Variants in CIAO1 observed in about 807,000 individuals in gnomAD.
The protein encoded by CIAO1 is cytosolic iron-sulfur assembly component 1, also known as probable cytosolic iron-sulfur protein assembly protein CIAO1.
CIAO1 carries 32 observed loss-of-function variants against 43.1 expected under a neutral mutation model. The observed-to-expected ratio is 0.74, with a 90% CI of 0.56 to 1.00. The LOEUF (loss-of-function observed/expected upper bound fraction) is 1.00, where lower values mean the gene tolerates loss of function less well. CIAO1 is among the 50% of genes least tolerant of loss of function. CIAO1 has a pLI of 0.00. For synonymous variants in CIAO1, 183 were observed against 171.4 expected (o/e 1.07, Z -0.53); for missense variants, 415 against 437.4 (o/e 0.95, Z 0.46).
chr2:96,267,547 C>A, intron 2 of CIAO1, 78 bp downstream of exon 2: 3 of 1,607,890 alleles, frequency 1.9e-6, no homozygotes, highest in Non-Finnish European at 1.7e-6. Context: ...CCAACCTGCG[C>A]CAGTTGGGCT....
chr2:96,267,489 C>G lies in CIAO1; in HGVS notation c.288+20C>G. The G allele has an allele frequency of 6.2e-7, 1 of 1,613,284 alleles. No individual in the cohort carries two copies. The highest frequency in any genetic ancestry group is 8.5e-7 in the Non-Finnish European group (1 of 1,179,362). ...TTTGAGGTACCCAGGCTGGTTGGGACCAGAATTATTGCCTGTTTCCTCCCC... is the reference window on the plus strand; with the variant it reads ...TTTGAGGTACCCAGGCTGGTTGGGAGCAGAATTATTGCCTGTTTCCTCCCC... On this transcript the variant is annotated intron_variant, in intron 2 of 6. Transcript: ENST00000488633.
intron 4 of CIAO1, 56 bp downstream of exon 4, chr2:96,267,980 C>G: frequency 7.2e-7 from 1 of 1,385,640 alleles, no homozygotes; most frequent in Non-Finnish European, 1.0e-6. Context: ...GGCTTGTGCC[C>G]AGCCTTCCTC....
At chr2:96,266,613 C>T in intron 1 of CIAO1, 124 bp downstream of exon 1, 2 of 1,080,580 alleles carry the variant, frequency 1.9e-6, no homozygotes, top group Non-Finnish European at 2.4e-6. Context: ...ATGTTAGCCA[C>T]GCCGAGAAGG....
chr2:96,271,062 C>T, intron 6 of CIAO1, 49 bp from the exon 7 acceptor site: 3 of 1,609,588 alleles, frequency 1.9e-6, no homozygotes, highest in South Asian at 1.1e-5. Flanking sequence ...GAACAGGTCT[C>T]TCTGGCCTAA....
Position 96,268,527 on chromosome 2 carries a change from G to A in CIAO1, c.560G>A (p.Cys187Tyr), listed in dbSNP as rs368621207. ...YREEEDDWVCCATLEGHESTV... is the reference protein window; with the variant it reads ...YREEEDDWVCYATLEGHESTV... ...GAGGAAGAGGATGACTGGGTATGCTGTGCCACCCTTGAGGGCCATGAATCC... is the reference window on the plus strand; with the variant it reads ...GAGGAAGAGGATGACTGGGTATGCTATGCCACCCTTGAGGGCCATGAATCC... The change falls in exon 5 of 7, where the codon TGT (cysteine) becomes TAT (tyrosine). Residue 187 changes from cysteine (C) to tyrosine (Y), a missense_variant. Coordinates refer to ENST00000488633, the MANE Select transcript of CIAO1 (RefSeq NM_004804.3). 72 of 1,614,218 alleles carry A rather than the reference G, an allele frequency of 4.5e-5. No homozygotes were observed. Among genetic ancestry groups the A allele is most frequent in the Non-Finnish European group, 6.1e-5 (72 of 1,180,040 alleles).
chr2:96,271,687 G>A lies in CIAO1; in HGVS notation c.*336G>A, dbSNP rs1684552945. The A allele has an allele frequency of 1.6e-5, 3 of 183,818 alleles. No homozygotes were observed. The highest frequency in any genetic ancestry group is 7.1e-5 in the African/African-American group (3 of 42,482). 11.4% of individuals were successfully genotyped at this position (183,818 alleles called of 1,614,324 possible). A position where few individuals can be genotyped will look rare whatever the true frequency, so the allele number is the denominator to read the frequency against. On this transcript the variant is annotated 3_prime_UTR_variant, in exon 7 of 7. Transcript: ENST00000488633. ...ATGTGTCTCAGGCTTTTCTGAAGTT[G>A]CAAGACTTAAAGAAATAATCCATCT... is the stretch of plus-strand genomic sequence containing the variant.
At chr2:96,268,728 A>G (rs1684485608) in intron 5 of CIAO1, 70 bp downstream of exon 5, 18 of 1,504,404 alleles carry the variant, frequency 1.2e-5, no homozygotes, top group Non-Finnish European at 1.6e-5. Context: ...AGACACGTAC[A>G]TGAGTCAGAG....
intron 6 of CIAO1, among the ~76,000 whole-genome samples, chr2:96,270,459 G>T (rs532622538): frequency 1.3e-5 from 2 of 151,112 alleles, no homozygotes; most frequent in Admixed American, 1.3e-4. Context: ...CCGAGATTGC[G>T]CCACTGCACT....
At chr2:96,268,739 C>A (rs952599630) in intron 5 of CIAO1, 81 bp downstream of exon 5, 1 of 1,387,338 alleles carries the variant, frequency 7.2e-7, no homozygotes, top group Non-Finnish European at 1.0e-6. Context: ...TGAGTCAGAG[C>A]AAATGGGGGT....
intron 6 of CIAO1, among the ~76,000 whole-genome samples, chr2:96,269,933 C>G (rs1235998422): frequency 6.6e-6 from 1 of 152,104 alleles, no homozygotes; most frequent in Non-Finnish European, 1.5e-5. Flanking sequence ...GCATGAGCCA[C>G]CGCACCTGGC....
rs1684557740 is a variant in CIAO1 at position 96,271,856 on chromosome 2, T to C, written c.*505T>C. 6.4e-6 allele frequency: 1 copy of C among 155,712 alleles called. No homozygotes were observed. Among genetic ancestry groups the C allele is most frequent in the South Asian group, 2.0e-4 (1 of 5,068 alleles). The allele number at this position is 155,712 out of a possible 1,614,324, so 9.6% of individuals were successfully genotyped here. ...ATAATGAAGGAAATTTTTTTCTGAATGTAGGTTTGAGTGAGGGGCACCTCT... is the reference window on the plus strand; with the variant it reads ...ATAATGAAGGAAATTTTTTTCTGAACGTAGGTTTGAGTGAGGGGCACCTCT... On this transcript the variant is annotated 3_prime_UTR_variant, in exon 7 of 7. Coordinates refer to ENST00000488633, the MANE Select transcript of CIAO1 (RefSeq NM_004804.3).
In CIAO1 at chr2:96,269,100, C is replaced by T. The variant is rs573645603; in HGVS notation, c.692-168C>T. The stretch of plus-strand genomic sequence containing the variant: ...TTTCCTCGGAATTCTGCTTGAGAAA[C>T]GCCAGTCTGGCTATAGTGTGTAAGG... On this transcript the variant is annotated intron_variant, in intron 5 of 6. Coordinates refer to ENST00000488633, the MANE Select transcript of CIAO1 (RefSeq NM_004804.3). 8 of 636,162 alleles carry T rather than the reference C, an allele frequency of 1.3e-5. No individual in the cohort carries two copies. In the Admixed American group the frequency reaches 1.9e-4, roughly 15 times the overall value. 39.4% of individuals were successfully genotyped at this position (636,162 alleles called of 1,614,324 possible).
At chr2:96,267,977 G>A (rs1424694379) in intron 4 of CIAO1, 53 bp downstream of exon 4, 43 of 1,431,468 alleles carry the variant, frequency 3.0e-5, no homozygotes, top group Non-Finnish European at 3.1e-5. Context: ...GCAGGCTTGT[G>A]CCCAGCCTTC....
Position 96,274,088 on chromosome 2 carries a change from C to T in CIAO1, c.*2737C>T, listed in dbSNP as rs539243108. Among the ~76,000 whole-genome samples the T allele has an allele frequency of 2.6e-5, 4 of 151,516 alleles. No homozygotes were observed. Among genetic ancestry groups the T allele is most frequent in the African/African-American group, 9.7e-5 (4 of 41,252 alleles). ...ACATTATGATTTAAAAGTGCATTAA[C>T]CTTAATCTAGATAATAAAAGCTTTT... On this transcript the variant is annotated 3_prime_UTR_variant, in exon 7 of 7. Coordinates refer to ENST00000488633, the MANE Select transcript of CIAO1 (RefSeq NM_004804.3).
rs1234363489 is a variant in CIAO1 at position 96,273,947 on chromosome 2, G to A, written c.*2596G>A. Among the ~76,000 whole-genome samples, 3 of 151,666 alleles carry A rather than the reference G, an allele frequency of 2.0e-5. No homozygotes were observed. Among genetic ancestry groups the A allele is most frequent in the Non-Finnish European group, 4.4e-5 (3 of 67,976 alleles). On this transcript the variant is annotated 3_prime_UTR_variant, in exon 7 of 7. Transcript: ENST00000488633. ...ACGTGGGCTGGGCATGGTGGCTCAT[G>A]CCTGTAATCCCAGCACTCTGGGAGG...
At chr2:96,268,872 C>T in intron 5 of CIAO1, 1 of 581,584 alleles carries the variant, frequency 1.7e-6, no homozygotes, top group Middle Eastern at 4.6e-4. Flanking sequence ...ATGAGAATTT[C>T]ACGTGAGAAT....
Position 96,267,370 on chromosome 2 carries a change from C to T in CIAO1, c.189C>T (p.Thr63=), listed in dbSNP as rs746150248. The change falls in exon 2 of 7, where the codon ACC becomes ACT. Residue 63 remains threonine, a synonymous_variant. Transcript: ENST00000488633. The part of the protein sequence containing the change: ...KSVLSEGHQR[T]VRKVAWSPCG... ...TCCTTTCTGAAGGCCACCAGCGCAC[C>T]GTGCGGAAGGTAGCCTGGTCCCCCT... 11 of 1,614,138 alleles carry T rather than the reference C, an allele frequency of 6.8e-6. No homozygotes were observed. Among genetic ancestry groups the T allele is most frequent in the Middle Eastern group, 1.6e-4 (1 of 6,062 alleles).
chr2:96,271,186 G>A lies in CIAO1; in HGVS notation c.855G>A (p.Ser285=), dbSNP rs201628543. The change falls in exon 7 of 7, where the codon TCG becomes TCA. Residue 285 remains serine (S), a synonymous_variant. Coordinates refer to ENST00000488633, the MANE Select transcript of CIAO1 (RefSeq NM_004804.3). The part of the protein sequence containing the change: ...AIRVFQEDPN[S]DPQQPTFSLT... ...GCGTGTTTCAGGAGGATCCCAACTC[G>A]GATCCACAGCAGCCCACCTTCTCCC... 3.4e-5 allele frequency: 55 copies of A among 1,614,196 alleles called. No individual in the cohort carries two copies. The East Asian group carries it at 8.7e-4, about 26-fold the overall frequency.
intron 6 of CIAO1, among the ~76,000 whole-genome samples, chr2:96,270,209 G>A (rs943183578): frequency 6.6e-6 from 1 of 152,170 alleles, no homozygotes; most frequent in East Asian, 1.9e-4. Context: ...AAGGGGTTAA[G>A]AATACTTTAT....
Sources: allele counts gnomAD v4.1 joint callset (sites outside exome capture counted in the v4.1 genomes callset), GRCh38; gene constraint gnomAD v4.1.1; transcripts MANE v1.5; gene names NCBI Gene and HGNC (gene_info 2026-07-23, HGNC 2026-07-21).